Variants in NCALD observed in about 807,000 individuals in gnomAD.
The protein encoded by NCALD is neurocalcin delta, also known as neurocalcin-delta.
Under a neutral mutation model 18.6 loss-of-function variants are expected in NCALD, and 10 were observed. The observed-to-expected ratio is 0.54, with a 90% CI of 0.33 to 0.91. The LOEUF is 0.91. NCALD is among the 40% of genes least tolerant of loss of function. The pLI, the probability that NCALD is intolerant of heterozygous loss-of-function variation, is 0.03. For missense variants in NCALD, 184 were observed against 247.6 expected, an observed-to-expected ratio of 0.74 and a Z score of 1.72; for synonymous variants, 88 against 87.4, an observed-to-expected ratio of 1.01 and a Z score of -0.04.
At chr8:101,940,075 A>G (rs1486381430) in intron 2 of NCALD, among the ~76,000 whole-genome samples, 1 of 152,194 alleles carries the variant, frequency 6.6e-6, no homozygotes, top group Non-Finnish European at 1.5e-5. Flanking sequence ...TGTTCTTTTC[A>G]AGGTTAAAGT....
intron 4 of NCALD, among the ~76,000 whole-genome samples, chr8:101,848,102 T>A (rs1027263228): frequency 6.6e-6 from 1 of 152,124 alleles, no homozygotes; most frequent in Admixed American, 6.5e-5. Context: ...GGGAGAACAG[T>A]GGCTTGAAAA....
chr8:101,793,537 A>G (rs1399815134), upstream of NCALD, among the ~76,000 whole-genome samples: 2 of 152,130 alleles, frequency 1.3e-5, no homozygotes, highest in African/African-American at 4.8e-5. Context: ...GGAAGCTACC[A>G]GTCTTCTGTG....
At chr8:102,023,346 GGT>G in intron 1 of NCALD, among the ~76,000 whole-genome samples, 1 of 56,794 alleles carries the variant, frequency 1.8e-5, no homozygotes, top group South Asian at 4.2e-4. Context: ...AATCACACTG[GGT>G]TTAGAACGAA....
chr8:101,913,514 C>T (rs1817873197), intron 3 of NCALD, among the ~76,000 whole-genome samples: 1 of 151,532 alleles, frequency 6.6e-6, no homozygotes, highest in South Asian at 2.1e-4. Context: ...GGAAGGTATA[C>T]CTCCAAACCA....
chr8:102,038,316 G>A (rs1209504001), intron 1 of NCALD, among the ~76,000 whole-genome samples: 1 of 152,148 alleles, frequency 6.6e-6, no homozygotes, highest in South Asian at 2.1e-4. Flanking sequence ...ATTGCTGATG[G>A]GTCAGCAAGA....
chr8:102,057,705 C>T (rs973931890), intron 1 of NCALD, among the ~76,000 whole-genome samples: 12 of 152,166 alleles, frequency 7.9e-5, no homozygotes, highest in African/African-American at 2.7e-4. Context: ...CTTTTAATTC[C>T]ACACTCTCCA....
At chr8:101,768,197 T>C (rs1166601845) in intron 1 of NCALD, among the ~76,000 whole-genome samples, 1 of 152,186 alleles carries the variant, frequency 6.6e-6, no homozygotes, top group Admixed American at 6.5e-5. Flanking sequence ...ACATGTTACA[T>C]TTGCAAGACT....
rs1825578182 is a variant in NCALD, at chr8:102,109,556, CCCA to C, written c.-210+14678_-210+14680del. ...GGAATAAATTTCAGGGAAACATTTG[CCCA>C]CTCGCCAGTGTCAAACTATGTCAAA... On this transcript the variant is annotated intron_variant, in intron 1 of 6. Coordinates refer to the NCALD transcript ENST00000311028. Among the ~76,000 whole-genome samples the C allele has an allele frequency of 2.0e-5, 3 of 152,128 alleles. No homozygotes were observed. In the East Asian group the frequency reaches 5.8e-4, roughly 29 times the overall value.
At chr8:101,726,923 T>G (rs1277436204) in intron 1 of NCALD, among the ~76,000 whole-genome samples, 8 of 152,216 alleles carry the variant, frequency 5.3e-5, no homozygotes, top group Non-Finnish European at 1.2e-4. Context: ...TTTGATCACA[T>G]GGCATTTAGG....
intron 2 of NCALD, among the ~76,000 whole-genome samples, chr8:101,990,390 G>A (rs1245212868): frequency 6.6e-6 from 1 of 152,154 alleles, no homozygotes; most frequent in African/African-American, 2.4e-5. Flanking sequence ...TGAAGAAATA[G>A]GCTCAATTCA....
At chr8:101,734,738 T>C (rs1195968037) in intron 1 of NCALD, among the ~76,000 whole-genome samples, 1 of 152,146 alleles carries the variant, frequency 6.6e-6, no homozygotes, top group East Asian at 1.9e-4. Context: ...TGCTTTGTGG[T>C]AAAAACCACA....
intron 2 of NCALD, among the ~76,000 whole-genome samples, chr8:102,006,334 G>T (rs936149861): frequency 2.6e-5 from 4 of 151,672 alleles, no homozygotes; most frequent in African/African-American, 7.3e-5. Flanking sequence ...AGTAAGCAAT[G>T]GGCCCCTAAT....
At chr8:101,917,391 T>G (rs1014281930) in intron 2 of NCALD, among the ~76,000 whole-genome samples, 1 of 151,876 alleles carries the variant, frequency 6.6e-6, no homozygotes, top group Non-Finnish European at 1.5e-5. Flanking sequence ...TTTAAAAAGA[T>G]CTCAAATTAG....
At chr8:101,803,543 T>C (rs1432283129) in intron 4 of NCALD, among the ~76,000 whole-genome samples, 2 of 152,226 alleles carry the variant, frequency 1.3e-5, no homozygotes, top group Admixed American at 6.5e-5. Flanking sequence ...TCTTAAAGTA[T>C]ATAAATAGTG....
At chr8:102,032,979 C>T (rs977909068) in intron 1 of NCALD, among the ~76,000 whole-genome samples, 26 of 152,174 alleles carry the variant, frequency 1.7e-4, no homozygotes, top group African/African-American at 6.3e-4. Flanking sequence ...GTTAGTCATG[C>T]TATGGTGCGT....
At chr8:101,938,641 CAAAG>C (rs1180649831) in intron 2 of NCALD, among the ~76,000 whole-genome samples, 2 of 136,272 alleles carry the variant, frequency 1.5e-5, no homozygotes, top group Admixed American at 1.6e-4. Flanking sequence ...ATGCAACAAA[CAAAG>C]AAATAATGGT....
chr8:101,977,269 T>C (rs889833617), intron 2 of NCALD, among the ~76,000 whole-genome samples: 1 of 152,104 alleles, frequency 6.6e-6, no homozygotes, highest in Non-Finnish European at 1.5e-5. Flanking sequence ...GGTTATTACA[T>C]GTGTTTTCGC....
intron 2 of NCALD, among the ~76,000 whole-genome samples, chr8:101,943,245 A>C (rs1475078850): frequency 6.6e-6 from 1 of 152,226 alleles, no homozygotes; most frequent in African/African-American, 2.4e-5. Flanking sequence ...AGAGAAAAGC[A>C]TCCCTGCCAC....
chr8:102,093,416 T>C (rs1432074598), intron 1 of NCALD, among the ~76,000 whole-genome samples: 1 of 152,208 alleles, frequency 6.6e-6, no homozygotes, highest in African/African-American at 2.4e-5. Flanking sequence ...CCTATCTACA[T>C]TATTGAGTAG....
Sources: gnomAD v4.1 joint callset for allele counts (sites outside exome capture counted in the v4.1 genomes callset) on GRCh38, gnomAD v4.1.1 for gene constraint, MANE v1.5 for transcripts, NCBI Gene and HGNC (gene_info 2026-07-23, HGNC 2026-07-21) for gene names.